Variants in XKR6 observed in about 807,000 individuals in gnomAD.
XKR6 encodes XK related 6, also known as XK-related protein 6.
In XKR6, 22 loss-of-function variants were observed where a neutral mutation model predicts 56.7. The ratio of observed to expected loss-of-function variants is 0.39; its 90% CI spans 0.28 to 0.55. XKR6 has a LOEUF of 0.55. Among genes scored for constraint, XKR6 ranks in the 20% least tolerant of loss-of-function variants. The pLI is 0.66. For synonymous variants in XKR6, 524 were observed against 387.8 expected, an observed-to-expected ratio of 1.35 and a Z score of -4.13; for missense variants, 852 against 889.0, an observed-to-expected ratio of 0.96 and a Z score of 0.53.
intron 1 of XKR6, among the ~76,000 whole-genome samples, chr8:11,179,251 C>A (rs921228887): frequency 6.6e-6 from 1 of 152,162 alleles, no homozygotes; most frequent in African/African-American, 2.4e-5. Context: ...AGAAGACCCA[C>A]TGCAAGGTGG....
intron 1 of XKR6, among the ~76,000 whole-genome samples, chr8:11,153,326 G>A (rs1351412069): frequency 2.0e-5 from 3 of 152,170 alleles, no homozygotes; most frequent in Non-Finnish European, 2.9e-5. Context: ...GGAATTACTC[G>A]TGCATGTAGC....
chr8:11,159,666 C>G lies in XKR6; in HGVS notation c.764+40910G>C, dbSNP rs527263021. On this transcript the variant is annotated intron_variant, in intron 1 of 2. Coordinates refer to ENST00000416569, the MANE Select transcript of XKR6 (RefSeq NM_173683.4). ...CCTGGCAATCTGTGTTTTGATAAGT[C>G]CTCCAAGTCATTCTGATGCAGACCA... Among the ~76,000 whole-genome samples, 303 of 152,302 alleles carry G rather than the reference C, an allele frequency of 2.0e-3. 2 individuals are homozygous for G. Among genetic ancestry groups the G allele is most frequent in the African/African-American group, 7.0e-3 (290 of 41,556 alleles).
intron 1 of XKR6, among the ~76,000 whole-genome samples, chr8:11,114,304 G>C (rs1317051025): frequency 6.6e-6 from 1 of 152,086 alleles, no homozygotes; most frequent in Non-Finnish European, 1.5e-5. Flanking sequence ...AATCCAAGTT[G>C]GTTCTACAAA....
chr8:11,178,363 A>C lies in XKR6; in HGVS notation c.764+22213T>G, dbSNP rs185552344. Among the ~76,000 whole-genome samples the C allele has an allele frequency of 5.9e-5, 9 of 152,006 alleles. No homozygotes were observed. In the East Asian group the frequency reaches 1.7e-3, roughly 29 times the overall value. ...TAAGGTATTAAAAATGAATTATCTC[A>C]TGAGTCTTATGTGGCTTCGGTCATC... On this transcript the variant is annotated intron_variant, in intron 1 of 2. Transcript: ENST00000416569.
chr8:11,123,001 C>T (rs1055644540), intron 1 of XKR6, among the ~76,000 whole-genome samples: 7 of 152,002 alleles, frequency 4.6e-5, no homozygotes, highest in Non-Finnish European at 8.8e-5. Context: ...CTTTGGGAGG[C>T]CGAGGTGGGT....
At chr8:10,920,673 G>A (rs1370135607) in intron 2 of XKR6, among the ~76,000 whole-genome samples, 3 of 152,234 alleles carry the variant, frequency 2.0e-5, no homozygotes, top group African/African-American at 4.8e-5. Context: ...TCGTGATGAG[G>A]ACACGACTCT....
chr8:11,145,955 C>T (rs953084550), intron 1 of XKR6, among the ~76,000 whole-genome samples: 1 of 151,794 alleles, frequency 6.6e-6, no homozygotes, highest in Non-Finnish European at 1.5e-5. Context: ...TAATGAAAAA[C>T]CTAGTAATAA....
chr8:11,161,481 C>G (rs1201579900), intron 1 of XKR6, among the ~76,000 whole-genome samples: 1 of 152,214 alleles, frequency 6.6e-6, no homozygotes, highest in Admixed American at 6.5e-5. Flanking sequence ...TTGCATCTCA[C>G]AAACTACAAC....
chr8:11,175,261 A>G (rs1031075397), intron 1 of XKR6: 1 of 152,610 alleles, frequency 6.6e-6, no homozygotes, highest in Non-Finnish European at 1.5e-5. Flanking sequence ...GCCCAGGCCA[A>G]ACAGTGGGGC....
chr8:10,922,191 G>A (rs140543039), intron 2 of XKR6, among the ~76,000 whole-genome samples: 5 of 152,360 alleles, frequency 3.3e-5, no homozygotes, highest in African/African-American at 1.2e-4. Flanking sequence ...TTTTGTTATA[G>A]TAGCACAAAT....
At chr8:10,901,137 C>T (rs1046444713) in intron 2 of XKR6, among the ~76,000 whole-genome samples, 1 of 150,356 alleles carries the variant, frequency 6.7e-6, no homozygotes, top group Admixed American at 6.6e-5. Flanking sequence ...CTCATTGTGA[C>T]CTCCACTTGC....
At chr8:11,166,639 C>G (rs998189291) in intron 1 of XKR6, among the ~76,000 whole-genome samples, 1 of 152,024 alleles carries the variant, frequency 6.6e-6, no homozygotes, top group Non-Finnish European at 1.5e-5. Flanking sequence ...ATGGCGTGAC[C>G]TTGGCTCACT....
At chr8:10,955,488 C>G (rs568567765) in intron 1 of XKR6, among the ~76,000 whole-genome samples, 1 of 152,276 alleles carries the variant, frequency 6.6e-6, no homozygotes, top group African/African-American at 2.4e-5. Context: ...GCCTCTCTGC[C>G]TTTTCAAGGT....
intron 1 of XKR6, among the ~76,000 whole-genome samples, chr8:11,002,711 C>T (rs139701806): frequency 8.6e-4 from 131 of 152,330 alleles, no homozygotes; most frequent in African/African-American, 3.1e-3. Context: ...AGTTCAACGG[C>T]CCCAAGCATT....
chr8:10,914,785 G>C (rs770878998), intron 2 of XKR6, among the ~76,000 whole-genome samples: 7 of 152,218 alleles, frequency 4.6e-5, no homozygotes, highest in Non-Finnish European at 7.4e-5. Flanking sequence ...CCAGGCTGTG[G>C]AAGCAGAGGG....
intron 1 of XKR6, among the ~76,000 whole-genome samples, chr8:11,120,633 T>C (rs1702288538): frequency 1.3e-5 from 2 of 152,108 alleles, no homozygotes; most frequent in South Asian, 2.1e-4. Flanking sequence ...ATAGATTCAA[T>C]GCCATCCCCA....
chr8:11,042,988 A>C (rs1799322859), intron 1 of XKR6, among the ~76,000 whole-genome samples: 1 of 152,110 alleles, frequency 6.6e-6, no homozygotes, highest in Non-Finnish European at 1.5e-5. Context: ...AGCCCAGGGC[A>C]GTGGTGGACC....
chr8:11,074,536 G>T (rs972038451), intron 1 of XKR6, among the ~76,000 whole-genome samples: 1 of 152,228 alleles, frequency 6.6e-6, no homozygotes, highest in Non-Finnish European at 1.5e-5. Flanking sequence ...AAGAAATGAA[G>T]GTGATTATGG....
chr8:10,950,733 T>C (rs1199498118), intron 1 of XKR6, among the ~76,000 whole-genome samples: 1 of 152,214 alleles, frequency 6.6e-6, no homozygotes, highest in East Asian at 1.9e-4. Flanking sequence ...ACAATCCAGT[T>C]GGCAAGCACC....
Sources: allele counts gnomAD v4.1 joint callset (sites outside exome capture counted in the v4.1 genomes callset), GRCh38; gene constraint gnomAD v4.1.1; transcripts MANE v1.5; gene names NCBI Gene and HGNC (gene_info 2026-07-23, HGNC 2026-07-21).